Variants in NR3C1 observed in about 807,000 individuals in gnomAD.
NR3C1 encodes glucocorticoid receptor.
Under a neutral mutation model 74.0 loss-of-function variants are expected in NR3C1, and 14 were observed. The observed-to-expected ratio is 0.19, with a 90% CI of 0.12 to 0.30. NR3C1 has a LOEUF of 0.30. Ranked by LOEUF, NR3C1 falls within the 10% of genes least tolerant of loss-of-function variation. The pLI is 1.00. For missense variants in NR3C1, 695 were observed against 909.8 expected, an observed-to-expected ratio of 0.76 and a Z score of 3.04; for synonymous variants, 308 against 332.5, an observed-to-expected ratio of 0.93 and a Z score of 0.80.
chr5:143,423,951 A>C (rs762488199), intron 1 of NR3C1, among the ~76,000 whole-genome samples: 2 of 147,578 alleles, frequency 1.4e-5, no homozygotes, highest in Non-Finnish European at 3.0e-5. Context: ...GGTAGTGGGG[A>C]GGGGGGATAA....
intron 7 of NR3C1, among the ~76,000 whole-genome samples, chr5:143,285,971 A>ATT (rs1814350502): frequency 1.5e-5 from 2 of 130,600 alleles, no homozygotes; most frequent in African/African-American, 6.3e-5. Flanking sequence ...CAGACTGATT[A>ATT]AAAAAAAAAA....
chr5:143,375,666 G>C (rs2151868880), intron 2 of NR3C1: 1 of 152,194 alleles, frequency 6.6e-6, no homozygotes, highest in South Asian at 2.1e-4. Context: ...CTTCCAGAAA[G>C]TATAAAAAAT....
chr5:143,323,935 G>T (rs1005767736), intron 2 of NR3C1, among the ~76,000 whole-genome samples: 3 of 152,166 alleles, frequency 2.0e-5, no homozygotes, highest in Admixed American at 6.5e-5. Flanking sequence ...TTGACTCCAG[G>T]TCTCATATCC....
At chr5:143,418,482 T>C (rs986017287) in intron 1 of NR3C1, among the ~76,000 whole-genome samples, 1 of 152,236 alleles carries the variant, frequency 6.6e-6, no homozygotes, top group Non-Finnish European at 1.5e-5. Flanking sequence ...AGTAATTATG[T>C]TTCTTTCATT....
At chr5:143,370,326 A>G (rs1489813653) in intron 2 of NR3C1, among the ~76,000 whole-genome samples, 1 of 152,090 alleles carries the variant, frequency 6.6e-6, no homozygotes, top group African/African-American at 2.4e-5. Flanking sequence ...CCTTGCATAC[A>G]CTCCAGACAG....
At position 143,294,219 on chromosome 5, in the gene NR3C1, T is replaced by G. The variant is rs1816616642; in HGVS notation, c.2023+1241A>C. ...TGCAACATCCATAGCTTACAGTTAT[T>G]TGGCAACTATGAAACCACAGTTACT... is the stretch of plus-strand genomic sequence containing the variant. On this transcript the variant is annotated intron_variant, in intron 7 of 8. Coordinates refer to ENST00000394464, the MANE Select transcript of NR3C1 (RefSeq NM_000176.3). 4.1e-6 allele frequency: 4 copies of G among 985,128 alleles called. No homozygotes were observed. In the South Asian group the frequency reaches 1.9e-4, roughly 46 times the overall value. 61.0% of individuals were successfully genotyped at this position (985,128 alleles called of 1,614,324 possible).
chr5:143,288,923 G>A (rs1391453249), intron 7 of NR3C1, among the ~76,000 whole-genome samples: 2 of 151,932 alleles, frequency 1.3e-5, no homozygotes, highest in African/African-American at 4.8e-5. Context: ...TGGCCAACAT[G>A]GCGAAACCCC....
chr5:143,390,999 C>A (rs921384068), intron 2 of NR3C1, among the ~76,000 whole-genome samples: 1 of 152,036 alleles, frequency 6.6e-6, no homozygotes, highest in African/African-American at 2.4e-5. Flanking sequence ...TACATAGCCT[C>A]CTAAGGTGGA....
At chr5:143,421,015 C>T (rs1751204348) in intron 1 of NR3C1, among the ~76,000 whole-genome samples, 1 of 152,052 alleles carries the variant, frequency 6.6e-6, no homozygotes, top group Non-Finnish European at 1.5e-5. Context: ...AGGACAAATT[C>T]TTCTTTTTTT....
chr5:143,384,399 T>C (rs983057643), intron 2 of NR3C1, among the ~76,000 whole-genome samples: 3 of 152,214 alleles, frequency 2.0e-5, no homozygotes, highest in South Asian at 2.1e-4. Flanking sequence ...TCTTAACTCC[T>C]TCCAGCATTA....
intron 2 of NR3C1, among the ~76,000 whole-genome samples, chr5:143,378,931 T>C (rs2963156): frequency 0.82 from 124,811 of 152,038 alleles, 51,365 homozygotes; most frequent in African/African-American, 0.88. Context: ...TAGGATGGAC[T>C]ACAATTCTTT....
intron 2 of NR3C1, among the ~76,000 whole-genome samples, chr5:143,322,269 C>T (rs920454156): frequency 1.3e-5 from 2 of 152,192 alleles, no homozygotes; most frequent in Admixed American, 1.3e-4. Flanking sequence ...GGTTCAAACC[C>T]AGGTCTTTCT....
intron 2 of NR3C1, among the ~76,000 whole-genome samples, chr5:143,358,107 G>A (rs564090882): frequency 2.0e-5 from 3 of 152,256 alleles, no homozygotes; most frequent in African/African-American, 4.8e-5. Context: ...TCTGTAAAGC[G>A]GGTAAGGATT....
chr5:143,311,788 GTTT>G (rs34827388), intron 3 of NR3C1, among the ~76,000 whole-genome samples: 12 of 119,384 alleles, frequency 1.0e-4, no homozygotes, highest in Admixed American at 1.7e-4. Context: ...CCTGGATAAC[GTTT>G]TTTTTTTTTT....
rs1004838464 is a variant in NR3C1 at position 143,434,554 on chromosome 5, G to A, written c.-36C>T. The A allele has an allele frequency of 3.0e-6, 3 of 985,250 alleles. No individual in the cohort carries two copies. The Admixed American group carries it at 1.8e-4, about 61-fold the overall frequency. 61.0% of individuals were successfully genotyped at this position (985,250 alleles called of 1,614,324 possible). On this transcript the variant is annotated 5_prime_UTR_variant, in exon 1 of 9. Coordinates refer to the NR3C1 transcript ENST00000343796. The stretch of plus-strand genomic sequence containing the variant: ...TACCTTCCTTCTCAGACACTTTAAT[G>A]AAGCAAAGTCTTCTTTGTTCTTTGA...
At chr5:143,311,906 T>C (rs899470646) in intron 3 of NR3C1, among the ~76,000 whole-genome samples, 15 of 149,728 alleles carry the variant, frequency 1.0e-4, no homozygotes, top group African/African-American at 3.2e-4. Context: ...GCTGGGATAA[T>C]AGGTGTGAGC....
In NR3C1 at chr5:143,400,603, G is replaced by A; in HGVS notation, c.237C>T (p.Ser79=). The change falls in exon 2 of 9, where the codon TCC becomes TCT. Residue 79 remains serine (S), a synonymous_variant. Transcript: ENST00000394464. ...SVSNAQQPDL[S]KAVSLSMGLY... ...GTCCCATTGAGAGTGAAACTGCTTT[G>A]GACAGATCTGGCTGCTGCGCATTGC... The A allele has an allele frequency of 6.2e-7, 1 of 1,614,172 alleles. No homozygotes were observed. Among genetic ancestry groups the A allele is most frequent in the African/African-American group, 1.3e-5 (1 of 75,020 alleles).
At chr5:143,320,660 G>T (rs1035815159) in intron 2 of NR3C1, among the ~76,000 whole-genome samples, 2 of 152,188 alleles carry the variant, frequency 1.3e-5, no homozygotes, top group African/African-American at 4.8e-5. Context: ...TAGGTCCTGT[G>T]TATTTATTTG....
chr5:143,415,623 ATAG>A (rs1841451814), intron 1 of NR3C1, among the ~76,000 whole-genome samples: 1 of 152,168 alleles, frequency 6.6e-6, no homozygotes, highest in African/African-American at 2.4e-5. Flanking sequence ...TTTTCAGGTA[ATAG>A]TAGCATAGTA....
Sources: gnomAD v4.1 joint callset for allele counts (sites outside exome capture counted in the v4.1 genomes callset) on GRCh38, gnomAD v4.1.1 for gene constraint, MANE v1.5 for transcripts, NCBI Gene and HGNC (gene_info 2026-07-23, HGNC 2026-07-21) for gene names.